The following NELL2 variants were observed in gnomAD, a reference collection of about 807,000 sequenced individuals.
The protein encoded by NELL2 is neural EGFL like 2.
Under a neutral mutation model 109.6 loss-of-function variants are expected in NELL2, and 41 were observed. That is an observed-to-expected ratio of 0.37 (90% CI 0.29 to 0.49). The LOEUF is 0.49. Ranked by LOEUF, NELL2 falls within the 20% of genes least tolerant of loss-of-function variation. NELL2 has a pLI of 0.98. For synonymous variants in NELL2, 355 were observed against 344.7 expected (o/e 1.03, Z -0.33); for missense variants, 900 against 1,008.3 (o/e 0.89, Z 1.45).
In NELL2 at chr12:44,699,281, T is replaced by A. The variant is rs372792612; in HGVS notation, c.1318+4445A>T. 1.1e-4 allele frequency among the ~76,000 whole-genome samples: 16 copies of A among 152,218 alleles called. No homozygotes were observed. In the South Asian group the frequency reaches 3.3e-3, roughly 32 times the overall value. On this transcript the variant is annotated intron_variant, in intron 12 of 19. Coordinates refer to ENST00000429094, the MANE Select transcript of NELL2 (RefSeq NM_001145108.2). ...TTTTTAAAGAGAAATGTGATAAGCA[T>A]GCAGTTAACAAAACACTAAAGTAGG... is the stretch of plus-strand genomic sequence containing the variant.
intron 10 of NELL2, among the ~76,000 whole-genome samples, chr12:44,711,792 TCA>T (rs1938217119): frequency 6.6e-6 from 1 of 152,092 alleles, no homozygotes; most frequent in Non-Finnish European, 1.5e-5. Flanking sequence ...TCGAAACATT[TCA>T]GTTTTCTTAT....
At chr12:44,638,272 G>C (rs1946723280) in intron 13 of NELL2, among the ~76,000 whole-genome samples, 1 of 152,066 alleles carries the variant, frequency 6.6e-6, no homozygotes, top group African/African-American at 2.4e-5. Context: ...GTACTTAATA[G>C]TTACTCACTT....
At position 44,566,566 on chromosome 12, in the gene NELL2, C is replaced by CACACACACACAGAG. The variant is rs377368706; in HGVS notation, c.1664-33846_1664-33845insCTCTGTGTGTGTGT. Among the ~76,000 whole-genome samples the CACACACACACAGAG allele has an allele frequency of 8.2e-3, 1,134 of 138,468 alleles. 14 individuals are homozygous for CACACACACACAGAG. The highest frequency in any genetic ancestry group is 0.027 in the African/African-American group (1,056 of 38,710). 90.8% of individuals were successfully genotyped at this position (138,468 alleles called of 152,430 possible). The stretch of plus-strand genomic sequence containing the variant: ...ACACACACACACACACACACACACA[C>CACACACACACAGAG]AGAGTTTTATGAATAGCAATAGGAG... On this transcript the variant is annotated intron_variant, in intron 15 of 19. Coordinates refer to ENST00000429094, the MANE Select transcript of NELL2 (RefSeq NM_001145108.2).
At chr12:44,819,033 C>T (rs1294215684) in intron 2 of NELL2, among the ~76,000 whole-genome samples, 4 of 152,078 alleles carry the variant, frequency 2.6e-5, no homozygotes, top group Non-Finnish European at 4.4e-5. Flanking sequence ...TGAGCCACCG[C>T]GCCCGGCCAG....
intron 2 of NELL2, among the ~76,000 whole-genome samples, chr12:44,827,227 G>A (rs927862921): frequency 1.4e-4 from 22 of 152,188 alleles, no homozygotes; most frequent in South Asian, 2.1e-4. Flanking sequence ...ATAGGCATGC[G>A]ATGATATTGA....
chr12:44,890,740 A>ATT lies in NELL2; in HGVS notation c.39-14842_39-14841dup, dbSNP rs200478354. ...TTATTTTTTTATTTTATTTTATTTT[A>ATT]TTTTTTTTGATACAGAGTCTCACTC... On this transcript the variant is annotated intron_variant, in intron 1 of 20. Transcript: ENST00000333837. Among the ~76,000 whole-genome samples the ATT allele has an allele frequency of 5.2e-3, 770 of 149,262 alleles. 2 individuals are homozygous for ATT. Among genetic ancestry groups the ATT allele is most frequent in the Non-Finnish European group, 8.4e-3 (562 of 67,108 alleles).
At chr12:44,733,208 T>C (rs1566262401) in intron 9 of NELL2, among the ~76,000 whole-genome samples, 1 of 151,992 alleles carries the variant, frequency 6.6e-6, no homozygotes, top group Non-Finnish European at 1.5e-5. Flanking sequence ...CTTGTGTGTA[T>C]TTTTCCATCA....
intron 15 of NELL2, among the ~76,000 whole-genome samples, chr12:44,550,913 C>A (rs1284366711): frequency 6.6e-6 from 1 of 152,100 alleles, no homozygotes; most frequent in African/African-American, 2.4e-5. Context: ...TTCAGTTATG[C>A]AAGATAAGTA....
At chr12:44,702,462 A>C (rs1480652164) in intron 12 of NELL2, among the ~76,000 whole-genome samples, 1 of 152,210 alleles carries the variant, frequency 6.6e-6, no homozygotes, top group Non-Finnish European at 1.5e-5. Context: ...TCATATAAGT[A>C]AAATTCAAAA....
chr12:44,642,925 T>C (rs1375891639), intron 13 of NELL2, among the ~76,000 whole-genome samples: 1 of 152,126 alleles, frequency 6.6e-6, no homozygotes, highest in Non-Finnish European at 1.5e-5. Context: ...AGATCTCGTG[T>C]TATGTGTTCT....
intron 2 of NELL2, among the ~76,000 whole-genome samples, chr12:44,817,001 T>C (rs2136687577): frequency 6.6e-6 from 1 of 152,386 alleles, no homozygotes; most frequent in African/African-American, 2.4e-5. Context: ...GATAGACATG[T>C]AGTTTGTATT....
At chr12:44,633,423 C>A (rs947008210) in intron 13 of NELL2, among the ~76,000 whole-genome samples, 1 of 152,030 alleles carries the variant, frequency 6.6e-6, no homozygotes, top group Admixed American at 6.6e-5. Flanking sequence ...ATCCATAGAA[C>A]CCCCTTTACC....
Position 44,717,938 on chromosome 12 carries a change from T to C in NELL2, c.995-3197A>G, listed in dbSNP as rs184286100. Among the ~76,000 whole-genome samples the C allele has an allele frequency of 1.2e-3, 186 of 152,202 alleles. 1 individual carries two copies. The highest frequency in any genetic ancestry group is 4.1e-3 in the African/African-American group (170 of 41,530). On this transcript the variant is annotated intron_variant, in intron 9 of 19. Coordinates refer to ENST00000429094, the MANE Select transcript of NELL2 (RefSeq NM_001145108.2). ...AGGACAAAGAATGGAAATGGGAGTGTTGGGTGCCCAGGAACAATAACAAGA... is the reference window on the plus strand; with the variant it reads ...AGGACAAAGAATGGAAATGGGAGTGCTGGGTGCCCAGGAACAATAACAAGA...
At chr12:44,743,770 C>A (rs564581706) in intron 9 of NELL2, among the ~76,000 whole-genome samples, 1 of 152,170 alleles carries the variant, frequency 6.6e-6, no homozygotes, top group African/African-American at 2.4e-5. Context: ...TATATATGCA[C>A]CCAATACAGG....
At chr12:44,679,677 C>A (rs907847137) in intron 12 of NELL2, among the ~76,000 whole-genome samples, 2 of 152,126 alleles carry the variant, frequency 1.3e-5, no homozygotes, top group African/African-American at 4.8e-5. Flanking sequence ...CACTGTCCTT[C>A]CACAAGCTGG....
chr12:44,895,716 A>C (rs1945585367), intron 1 of NELL2, among the ~76,000 whole-genome samples: 1 of 152,106 alleles, frequency 6.6e-6, no homozygotes, highest in African/African-American at 2.4e-5. Flanking sequence ...TTACGAAATC[A>C]TATATCACCC....
At chr12:44,824,353 A>C (rs944440822) in intron 2 of NELL2, among the ~76,000 whole-genome samples, 3 of 152,198 alleles carry the variant, frequency 2.0e-5, no homozygotes, top group Non-Finnish European at 4.4e-5. Context: ...GACCAATGTC[A>C]AGAAGTTTTC....
chr12:44,696,783 C>G (rs117159783), intron 12 of NELL2, among the ~76,000 whole-genome samples: 1 of 152,114 alleles, frequency 6.6e-6, no homozygotes, highest in South Asian at 2.1e-4. Context: ...TTCAAACTAT[C>G]AGTAAACAAA....
intron 9 of NELL2, among the ~76,000 whole-genome samples, chr12:44,741,532 G>A (rs201361489): frequency 6.6e-6 from 1 of 152,218 alleles, no homozygotes; most frequent in Non-Finnish European, 1.5e-5. Context: ...AGTGCAAGGG[G>A]TCAGGGAATT....
Sources: allele counts gnomAD v4.1 joint callset (sites outside exome capture counted in the v4.1 genomes callset), GRCh38; gene constraint gnomAD v4.1.1; transcripts MANE v1.5; gene names NCBI Gene and HGNC (gene_info 2026-07-23, HGNC 2026-07-21).